PMPCB: variants seen among roughly 807,000 people sequenced by gnomAD.
PMPCB encodes mitochondrial-processing peptidase subunit beta.
A neutral mutation model predicts 61.5 loss-of-function variants in PMPCB; 46 were observed. The ratio of observed to expected loss-of-function variants is 0.75; its 90% CI spans 0.59 to 0.96. The LOEUF is 0.96. Ranked by LOEUF, PMPCB falls within the 40% of genes least tolerant of loss-of-function variation. The probability of loss-of-function intolerance (pLI) is 0.00; values close to 1 mark genes in which losing one functional copy is unlikely to be tolerated. For synonymous variants in PMPCB, 191 were observed against 201.6 expected, an observed-to-expected ratio of 0.95 and a Z score of 0.44; for missense variants, 590 against 602.4, an observed-to-expected ratio of 0.98 and a Z score of 0.22.
At chr7:103,298,479 T>G in intron 1 of PMPCB, 89 bp from the exon 2 acceptor site, 1 of 1,296,630 alleles carries the variant, frequency 7.7e-7, no homozygotes. Context: ...GACAGCCTAT[T>G]TAAAATAGAT....
At chr7:103,335,577 ACTCTGTTG>A in the PMPCB span, 1 of 146,570 alleles carries the variant, frequency 6.8e-6, no homozygotes, top group Admixed American at 6.8e-5. Context: ...TCACTCTCTC[ACTCTGTTG>A]CTCAGGTTGG....
the PMPCB span, chr7:103,341,748 T>G: frequency 6.6e-7 from 1 of 1,526,540 alleles, no homozygotes; most frequent in Non-Finnish European, 8.8e-7. Context: ...GAACAAAATA[T>G]TCAGATATTA....
chr7:103,311,416 C>A, intron 9 of PMPCB: 1 of 551,386 alleles, frequency 1.8e-6, no homozygotes, highest in Non-Finnish European at 3.2e-6. Context: ...ATGTGATCAG[C>A]CCATTTGTAT....
intron 1 of PMPCB, chr7:103,297,824 A>G (rs1376586131): frequency 3.3e-6 from 5 of 1,517,368 alleles, no homozygotes; most frequent in East Asian, 2.5e-5. Flanking sequence ...ATGTTTGACC[A>G]CTAAAAACGT....
chr7:103,342,851 A>ACCCACCT, the PMPCB span, among the ~76,000 whole-genome samples: 1 of 149,920 alleles, frequency 6.7e-6, no homozygotes, highest in Non-Finnish European at 1.5e-5. Context: ...CTCGTGATCC[A>ACCCACCT]CCCACCTCGG....
At chr7:103,331,098 AG>A (rs1818950874), downstream of PMPCB, among the ~76,000 whole-genome samples, 1 of 151,620 alleles carries the variant, frequency 6.6e-6, no homozygotes, top group South Asian at 2.1e-4. Context: ...CTGGGATTAC[AG>A]GCACCTGCCA....
chr7:103,344,670 C>T, the PMPCB span: 1 of 1,593,124 alleles, frequency 6.3e-7, no homozygotes, highest in Non-Finnish European at 8.5e-7. Context: ...ACGTCCCGGG[C>T]GGAGGGCGCT....
chr7:103,309,022 ATCCAGATAC>A lies in PMPCB; in HGVS notation c.921_929del (p.His307_Thr310delinsGln). 1.2e-6 allele frequency: 2 copies of A among 1,609,240 alleles called. No individual in the cohort carries two copies. Among genetic ancestry groups the A allele is most frequent in the Non-Finnish European group, 1.7e-6 (2 of 1,177,354 alleles). On this transcript the variant is annotated inframe_deletion, in exon 8 of 13. Coordinates refer to ENST00000249269, the MANE Select transcript of PMPCB (RefSeq NM_004279.3). ...GCTGTTGAAGCTGTTGGTTGGGCAC[ATCCAGATAC>A]AATCTGTCTCATGGTTGCAAACACG... is the stretch of plus-strand genomic sequence containing the variant.
intron 5 of PMPCB, 43 bp from the exon 6 acceptor site, chr7:103,304,368 T>G: frequency 8.9e-7 from 1 of 1,127,568 alleles, no homozygotes; most frequent in Non-Finnish European, 1.3e-6. Context: ...AAGATCTGTT[T>G]TTTTTTTGGT....
the PMPCB span, among the ~76,000 whole-genome samples, chr7:103,343,896 A>C: frequency 6.6e-6 from 1 of 152,210 alleles, no homozygotes; most frequent in African/African-American, 2.4e-5. Context: ...ATCACATTCA[A>C]CAAGCGCCTA....
chr7:103,332,265 A>G (rs776451649), downstream of PMPCB, among the ~76,000 whole-genome samples: 42 of 152,198 alleles, frequency 2.8e-4, no homozygotes, highest in Non-Finnish European at 2.2e-4. Flanking sequence ...TTGGCCTCCC[A>G]AAGTGCTCGG....
At chr7:103,298,814 C>T (rs1817367526) in intron 2 of PMPCB, 106 bp downstream of exon 2, 1 of 1,064,674 alleles carries the variant, frequency 9.4e-7, no homozygotes, top group African/African-American at 1.6e-5. Flanking sequence ...AAAAGGGTGA[C>T]AGTTATTTTG....
At chr7:103,325,969 G>T (rs1036737086) in intron 12 of PMPCB, among the ~76,000 whole-genome samples, 1 of 152,106 alleles carries the variant, frequency 6.6e-6, no homozygotes, top group African/African-American at 2.4e-5. Flanking sequence ...CACTATAAAA[G>T]TCAGATACTG....
At chr7:103,341,645 TA>T in the PMPCB span, 1 of 824,496 alleles carries the variant, frequency 1.2e-6, no homozygotes, top group South Asian at 2.0e-5. Flanking sequence ...AAACAGATGC[TA>T]AATCATAGTT....
In PMPCB at chr7:103,313,433, T is replaced by G; in HGVS notation, c.*1162T>G. Reference sequence around the variant, plus strand: ...TAAATTTATAGTACTGTTGGACTCTTGGACTCAAAAACACAACCACAATTC... The same window carrying G: ...TAAATTTATAGTACTGTTGGACTCTGGGACTCAAAAACACAACCACAATTC... On this transcript the variant is annotated 3_prime_UTR_variant, in exon 13 of 13. Coordinates refer to ENST00000249269, the MANE Select transcript of PMPCB (RefSeq NM_004279.3). The G allele has an allele frequency of 1.0e-6, 1 of 984,430 alleles. No individual in the cohort carries two copies. The allele number at this position is 984,430 out of a possible 1,614,324, so 61.0% of individuals were successfully genotyped here. A position where few individuals can be genotyped will look rare whatever the true frequency, so the allele number is the denominator to read the frequency against.
At chr7:103,346,414 A>G in the PMPCB span, among the ~76,000 whole-genome samples, 1 of 152,210 alleles carries the variant, frequency 6.6e-6, no homozygotes, top group African/African-American at 2.4e-5. Flanking sequence ...TACAGGGGTG[A>G]GCCACGGTGC....
downstream of PMPCB, chr7:103,329,528 T>TA (rs1398191545): frequency 2.0e-5 from 3 of 152,248 alleles, no homozygotes; most frequent in African/African-American, 7.2e-5. Context: ...TTCTAGTACT[T>TA]ACAATAGTTC....
chr7:103,318,297 T>G (rs908362760), downstream of PMPCB, among the ~76,000 whole-genome samples: 4 of 152,106 alleles, frequency 2.6e-5, no homozygotes, highest in African/African-American at 9.7e-5. Context: ...TCCTGAGAAG[T>G]TGGGACTACA....
In PMPCB at chr7:103,312,598, C is replaced by G. The variant is rs753625490; in HGVS notation, c.*327C>G. The G allele has an allele frequency of 6.2e-7, 1 of 1,613,582 alleles. No homozygotes were observed. The highest frequency in any genetic ancestry group is 2.2e-5 in the East Asian group (1 of 44,826). On this transcript the variant is annotated 3_prime_UTR_variant, in exon 13 of 13. Coordinates refer to ENST00000249269, the MANE Select transcript of PMPCB (RefSeq NM_004279.3). ...TTCTTGGCTCTACTTGCATTCAGCA[C>G]TTGTTCTTGAGCAGCTTTCTTTGCT...
Sources: gnomAD v4.1 joint callset for allele counts (sites outside exome capture counted in the v4.1 genomes callset) on GRCh38, gnomAD v4.1.1 for gene constraint, MANE v1.5 for transcripts, NCBI Gene and HGNC (gene_info 2026-07-23, HGNC 2026-07-21) for gene names.